HNRNPL: variants seen among roughly 807,000 people sequenced by gnomAD.
HNRNPL encodes heterogeneous nuclear ribonucleoprotein L.
A neutral mutation model predicts 64.0 loss-of-function variants in HNRNPL; 12 were observed. That is an observed-to-expected ratio of 0.19 (90% confidence interval 0.12 to 0.30). The LOEUF (loss-of-function observed/expected upper bound fraction) is 0.30. Among genes scored for constraint, HNRNPL ranks in the 10% least tolerant of loss-of-function variants. HNRNPL has a pLI of 1.00. For missense variants in HNRNPL, 484 were observed against 797.4 expected, an observed-to-expected ratio of 0.61 and a Z score of 4.73; for synonymous variants, 385 against 313.0, an observed-to-expected ratio of 1.23 and a Z score of -2.43.
intron 6 of HNRNPL, chr19:38,840,763 CT>C (rs1972091132): frequency 1.7e-6 from 1 of 588,842 alleles, no homozygotes; most frequent in African/African-American, 1.9e-5. Flanking sequence ...TCTCCTTCCC[CT>C]GCTCATACCA....
At chr19:38,842,870 G>A (rs1175934244) in intron 6 of HNRNPL, among the ~76,000 whole-genome samples, 2 of 152,174 alleles carry the variant, frequency 1.3e-5, no homozygotes, top group Non-Finnish European at 2.9e-5. Flanking sequence ...AGAAGAAATG[G>A]TTGTTGCCAT....
At chr19:38,852,065 GGCCGGCCCGGACGCCCCTCGC>G (rs1050419739), upstream of HNRNPL, among the ~76,000 whole-genome samples, 3 of 133,414 alleles carry the variant, frequency 2.2e-5, no homozygotes, top group Admixed American at 1.5e-4. Context: ...CCGCCCCCGC[GGCCGGCCCGGACGCCCCTCGC>G]GCCGGCGCGC....
intron 10 of HNRNPL, 25 bp from the exon 11 acceptor site, chr19:38,837,676 T>G: frequency 6.2e-7 from 1 of 1,610,714 alleles, no homozygotes; most frequent in Non-Finnish European, 8.5e-7. Flanking sequence ...AGGTAGTAAA[T>G]GAACTCTGAA....
rs1972253889 is a variant in HNRNPL at position 38,845,280 on chromosome 19, A to T, written c.710+370T>A. 1.6e-5 allele frequency: 3 copies of T among 182,234 alleles called. No individual in the cohort carries two copies. The South Asian group carries it at 3.1e-4, about 19-fold the overall frequency. 11.3% of individuals were successfully genotyped at this position (182,234 alleles called of 1,614,324 possible). On this transcript the variant is annotated intron_variant, in intron 4 of 12. Coordinates refer to ENST00000221419, the MANE Select transcript of HNRNPL (RefSeq NM_001533.3). ...ATCCTACTAGGAAGGCTGAGGCAGG[A>T]GAATTGCTTGAACCCAGGAGGCAGA...
In HNRNPL at chr19:38,847,396, T is replaced by C; in HGVS notation, c.306A>G (p.Pro102=). The C allele has an allele frequency of 6.4e-7, 1 of 1,558,586 alleles. No individual in the cohort carries two copies. The highest frequency in any genetic ancestry group is 2.4e-5 in the East Asian group (1 of 41,466). ...YDDPHKTPAS[P]VVHIRGLIDG... The stretch of plus-strand genomic sequence containing the variant: ...CAATCAGGCCCCTGATGTGGACAAC[T>C]GGGGAGGCAGGGGTTTTGTGCGGGT... The change falls in exon 2 of 13, where the codon CCA becomes CCG. Residue 102 remains proline (P), a synonymous_variant. Transcript: ENST00000221419.
Position 38,836,692 on chromosome 19 carries a change from G to C in HNRNPL, c.*30C>G. The C allele has an allele frequency of 1.3e-6, 2 of 1,507,292 alleles. No individual in the cohort carries two copies. Among genetic ancestry groups the C allele is most frequent in the Admixed American group, 3.8e-5 (2 of 51,968 alleles). The allele number at this position is 1,507,292 out of a possible 1,614,324, so 93.4% of individuals were successfully genotyped here. On this transcript the variant is annotated 3_prime_UTR_variant, in exon 13 of 13. Coordinates refer to ENST00000221419, the MANE Select transcript of HNRNPL (RefSeq NM_001533.3). ...ATAAAGGAAAGAGAAATGTCTTCCT[G>C]CTCAGATGGGACTCTTCCTAGGCAC...
rs1249580342 is a variant in HNRNPL at position 38,849,917 on chromosome 19, T to C, written c.50A>G (p.Glu17Gly). 7.6e-7 allele frequency: 1 copy of C among 1,320,718 alleles called. No individual in the cohort carries two copies. The highest frequency in any genetic ancestry group is 1.0e-6 in the Non-Finnish European group (1 of 965,008). The allele number at this position is 1,320,718 out of a possible 1,614,324, so 81.8% of individuals were successfully genotyped here. Residue 17 changes from glutamate to glycine, a missense_variant, in exon 1 of 13, where the codon GAG becomes GGG. This residue lies in a region of HNRNPL where 190 missense variants were observed against 160.1 expected (regional missense o/e 1.19). Coordinates refer to ENST00000221419, the MANE Select transcript of HNRNPL (RefSeq NM_001533.3). The stretch of plus-strand genomic sequence containing the variant: ...CTGCTCGTCCGGCTGCTGCCTCTGC[T>C]CCAGCCGCCGACGCCGCTTCTCCGC... ...PRAEKRRRRLEQRQQPDEQRR... is the reference protein window; with the variant it reads ...PRAEKRRRRLGQRQQPDEQRR...
At chr19:38,850,362 G>A (rs1972469648), upstream of HNRNPL, 1 of 191,714 alleles carries the variant, frequency 5.2e-6, no homozygotes, top group South Asian at 1.6e-4. Context: ...CAGTCACAAT[G>A]ACGACCTTCC....
intron 9 of HNRNPL, 98 bp from the exon 10 acceptor site, chr19:38,838,696 TGGGGCATTGCTCTACACCTGAG>T: frequency 7.3e-7 from 1 of 1,366,812 alleles, no homozygotes; most frequent in Non-Finnish European, 1.0e-6. Flanking sequence ...CTGTGTGCCT[TGGGGCATTGCTCTACACCTGAG>T]GCAAGGCTGA....
intron 4 of HNRNPL, chr19:38,845,389 A>G (rs142706077): frequency 4.1e-4 from 188 of 463,246 alleles, no homozygotes; most frequent in African/African-American, 3.3e-3. Context: ...AAATAAGTAA[A>G]TAACAGAAAG....
At chr19:38,840,940 G>C (rs1362748994) in intron 6 of HNRNPL, 1 of 242,198 alleles carries the variant, frequency 4.1e-6, no homozygotes, top group Non-Finnish European at 7.9e-6. Flanking sequence ...GACTCCCAAT[G>C]AAGGGAGAGT....
chr19:38,843,228 C>T (rs1461999839), intron 6 of HNRNPL: 1 of 153,124 alleles, frequency 6.5e-6, no homozygotes, highest in East Asian at 1.9e-4. Flanking sequence ...CTCCACCTCT[C>T]CCTGCTACCA....
upstream of HNRNPL, among the ~76,000 whole-genome samples, chr19:38,850,892 C>CCGCGCA (rs1568377830): frequency 6.6e-6 from 1 of 152,234 alleles, no homozygotes; most frequent in East Asian, 1.9e-4. Context: ...GAAGGCTCTT[C>CCGCGCA]CGCGCACTCT....
intron 1 of HNRNPL, among the ~76,000 whole-genome samples, chr19:38,848,394 GAA>G (rs1000559688): frequency 7.2e-5 from 11 of 152,124 alleles, no homozygotes; most frequent in Admixed American, 4.6e-4. Context: ...CTCCCGGATG[GAA>G]AGTCTTTTAG....
chr19:38,849,039 T>C (rs1411446230), intron 1 of HNRNPL, among the ~76,000 whole-genome samples: 4 of 152,180 alleles, frequency 2.6e-5, no homozygotes, highest in East Asian at 1.9e-4. Context: ...GGAAATAGTT[T>C]GGTTTATCAA....
Position 38,837,668 on chromosome 19 carries a change from G to A in HNRNPL, c.1558-17C>T, listed in dbSNP as rs775966938. The A allele has an allele frequency of 1.5e-5, 25 of 1,612,990 alleles. No homozygotes were observed. In the South Asian group the frequency reaches 2.3e-4, roughly 15 times the overall value. ...ATCGCAGATCTGCAAAAGAAAACAG[G>A]TAGTAAATGAACTCTGAAACAAAAG... On this transcript the variant is annotated splice_polypyrimidine_tract_variant and intron_variant, in intron 10 of 12. Transcript: ENST00000221419.
At chr19:38,843,736 G>T in intron 6 of HNRNPL, 106 bp downstream of exon 6, 1 of 930,444 alleles carries the variant, frequency 1.1e-6, no homozygotes, top group East Asian at 2.4e-5. Flanking sequence ...CCATGTCCAT[G>T]GGGGGCCCAA....
At chr19:38,838,351 G>A (rs375241781) in intron 10 of HNRNPL, 46 bp downstream of exon 10, 74 of 1,504,574 alleles carry the variant, frequency 4.9e-5, no homozygotes, top group Non-Finnish European at 6.5e-5. Flanking sequence ...CTACTCAGAC[G>A]GCCGTGGCAA....
Position 38,838,523 on chromosome 19 carries a change from G to T in HNRNPL, c.1431C>A (p.Phe477Leu), listed in dbSNP as rs756930656. 1 of 1,614,100 alleles carries T rather than the reference G, an allele frequency of 6.2e-7. No individual in the cohort carries two copies. Among genetic ancestry groups the T allele is most frequent in the Non-Finnish European group, 8.5e-7 (1 of 1,179,990 alleles). The change falls in exon 10 of 13, where the codon TTC becomes TTA. Residue 477 changes from phenylalanine to leucine, a missense_variant. Physicochemically the swap from Phe to Leu is conservative, Grantham distance 22. This residue lies in a region of HNRNPL where 53 missense variants were observed against 131.3 expected (regional missense o/e 0.40). Coordinates refer to ENST00000221419, the MANE Select transcript of HNRNPL (RefSeq NM_001533.3). ...LEDGSCSYKDFSESRNNRFST... is the reference protein window; with the variant it reads ...LEDGSCSYKDLSESRNNRFST... Reference sequence around the variant, plus strand: ...AGAACCGATTGTTCCGGGATTCACTGAAGTCTTTGTAACTGCAAGACCCGT... The same window carrying T: ...AGAACCGATTGTTCCGGGATTCACTTAAGTCTTTGTAACTGCAAGACCCGT...
Sources: allele counts gnomAD v4.1 joint callset (sites outside exome capture counted in the v4.1 genomes callset), GRCh38; gene constraint gnomAD v4.1.1; regional missense constraint gnomAD v4.1.1; transcripts MANE v1.5; gene names NCBI Gene and HGNC (gene_info 2026-07-23, HGNC 2026-07-21).